The following TACR3 variants were observed in gnomAD, a reference collection of about 807,000 sequenced individuals.
TACR3 encodes neuromedin-K receptor.
A neutral mutation model predicts 35.0 loss-of-function variants in TACR3; 34 were observed. That is an observed-to-expected ratio of 0.97 (90% CI 0.74 to 1.30). TACR3 has a LOEUF of 1.30. TACR3 is among the 50% of genes most tolerant of loss of function. The pLI is 0.00. For synonymous variants in TACR3, 233 were observed against 221.1 expected, an observed-to-expected ratio of 1.05 and a Z score of -0.48; for missense variants, 558 against 591.7, an observed-to-expected ratio of 0.94 and a Z score of 0.59.
At chr4:103,655,320 A>G (rs1283290821) in intron 3 of TACR3, among the ~76,000 whole-genome samples, 1 of 152,154 alleles carries the variant, frequency 6.6e-6, no homozygotes, top group Non-Finnish European at 1.5e-5. Context: ...GGAAATGTCC[A>G]TGTGTTGCTA....
At chr4:103,613,957 A>G (rs1202235110) in intron 3 of TACR3, among the ~76,000 whole-genome samples, 2 of 152,206 alleles carry the variant, frequency 1.3e-5, no homozygotes, top group African/African-American at 4.8e-5. Context: ...ATCTCCTCTT[A>G]TAGGGATACT....
chr4:103,650,737 TC>T (rs1725588460), intron 3 of TACR3, among the ~76,000 whole-genome samples: 4 of 81,050 alleles, frequency 4.9e-5, no homozygotes, highest in Admixed American at 2.1e-4. Flanking sequence ...ATATATTATA[TC>T]ATATATAATA....
At chr4:103,679,934 G>A (rs914249899) in intron 1 of TACR3, among the ~76,000 whole-genome samples, 4 of 151,866 alleles carry the variant, frequency 2.6e-5, no homozygotes, top group Admixed American at 2.6e-4. Context: ...TTTAAATATG[G>A]AGTAGTTTGG....
Position 103,650,026 on chromosome 4 carries a change from T to G in TACR3, c.888+6168A>C, listed in dbSNP as rs1379818250. 2.6e-5 allele frequency among the ~76,000 whole-genome samples: 4 copies of G among 152,076 alleles called. No individual in the cohort carries two copies. The East Asian group carries it at 7.7e-4, about 29-fold the overall frequency. On this transcript the variant is annotated intron_variant, in intron 3 of 4. Transcript: ENST00000304883. The stretch of plus-strand genomic sequence containing the variant: ...ATTCAAAAGGACTTGGGTATTGTGA[T>G]CTAGGCCACATCTGCATTAGGGGGT...
chr4:103,623,898 T>A (rs1724836714), intron 3 of TACR3, among the ~76,000 whole-genome samples: 1 of 152,146 alleles, frequency 6.6e-6, no homozygotes, highest in Admixed American at 6.5e-5. Context: ...TTCTGAATAA[T>A]GTAAATAAAA....
At chr4:103,718,762 C>T (rs1307029174) in intron 1 of TACR3, among the ~76,000 whole-genome samples, 3 of 152,190 alleles carry the variant, frequency 2.0e-5, no homozygotes, top group East Asian at 3.8e-4. Context: ...GTGCACTTTA[C>T]AGATGACATA....
At chr4:103,706,501 A>T (rs2110227441) in intron 1 of TACR3, among the ~76,000 whole-genome samples, 1 of 152,278 alleles carries the variant, frequency 6.6e-6, no homozygotes, top group East Asian at 1.9e-4. Context: ...TGTTTTAATA[A>T]AGGAAATATA....
intron 3 of TACR3, among the ~76,000 whole-genome samples, chr4:103,602,144 C>T (rs1057119736): frequency 2.0e-5 from 3 of 152,078 alleles, no homozygotes; most frequent in Non-Finnish European, 4.4e-5. Flanking sequence ...TTTCATCTTC[C>T]ATCACTGATA....
intron 1 of TACR3, among the ~76,000 whole-genome samples, chr4:103,710,172 A>T (rs1722909532): frequency 6.6e-6 from 1 of 152,222 alleles, no homozygotes; most frequent in South Asian, 2.1e-4. Flanking sequence ...AGACATCTAC[A>T]GAACTCTCCA....
chr4:103,640,707 T>G (rs1237515590), intron 3 of TACR3, among the ~76,000 whole-genome samples: 1 of 151,928 alleles, frequency 6.6e-6, no homozygotes, highest in Non-Finnish European at 1.5e-5. Context: ...CCAACACAAA[T>G]TCATAAATTT....
chr4:103,649,603 GT>G (rs1725537609), intron 3 of TACR3, among the ~76,000 whole-genome samples: 1 of 151,810 alleles, frequency 6.6e-6, no homozygotes, highest in Admixed American at 6.6e-5. Flanking sequence ...TCTTTCTTCT[GT>G]TTGATCAATT....
At chr4:103,622,995 G>A (rs759901644) in intron 3 of TACR3, among the ~76,000 whole-genome samples, 3 of 152,220 alleles carry the variant, frequency 2.0e-5, no homozygotes, top group South Asian at 2.1e-4. Context: ...AAAATGCCAC[G>A]AGGTCATTTC....
intron 1 of TACR3, among the ~76,000 whole-genome samples, chr4:103,666,798 TTTGA>T (rs1226766570): frequency 2.0e-5 from 3 of 152,166 alleles, no homozygotes; most frequent in African/African-American, 7.2e-5. Context: ...TCAGAACATA[TTTGA>T]TTATTTCACC....
chr4:103,656,806 A>T (rs1335793985), intron 2 of TACR3, among the ~76,000 whole-genome samples: 1 of 152,098 alleles, frequency 6.6e-6, no homozygotes, highest in African/African-American at 2.4e-5. Context: ...ACTGTTTTTC[A>T]TTCAAATGGT....
At chr4:103,708,169 G>A (rs946460676) in intron 1 of TACR3, among the ~76,000 whole-genome samples, 1 of 152,176 alleles carries the variant, frequency 6.6e-6, no homozygotes, top group South Asian at 2.1e-4. Flanking sequence ...CTCCCAGCAG[G>A]GAGTTTGAGA....
At chr4:103,658,157 G>A (rs1310252640) in intron 2 of TACR3, 58 bp downstream of exon 2, 4 of 1,527,524 alleles carry the variant, frequency 2.6e-6, no homozygotes, top group Middle Eastern at 1.7e-4. Flanking sequence ...CTCCTAATCT[G>A]TAGTTTCCTA....
At chr4:103,697,064 C>G (rs1363097321) in intron 1 of TACR3, among the ~76,000 whole-genome samples, 1 of 152,138 alleles carries the variant, frequency 6.6e-6, no homozygotes, top group Non-Finnish European at 1.5e-5. Context: ...CAGGTGTGAG[C>G]CACTGTTCCA....
At position 103,719,312 on chromosome 4, in the gene TACR3, A is replaced by G. The variant is rs761830661; in HGVS notation, c.364T>C (p.Tyr122His). 7.4e-6 allele frequency: 12 copies of G among 1,614,248 alleles called. No individual in the cohort carries two copies. The highest frequency in any genetic ancestry group is 1.0e-5 in the Non-Finnish European group (12 of 1,180,050). ...AHKRMRTVTN[Y>H]FLVNLAFSDA... Reference sequence around the variant, plus strand: ...GAGAAAGCCAGGTTCACAAGGAAGTAGTTGGTGACAGTCCTCATGCGCTTG... The same window carrying G: ...GAGAAAGCCAGGTTCACAAGGAAGTGGTTGGTGACAGTCCTCATGCGCTTG... Residue 122 changes from tyrosine to histidine, a missense_variant, in exon 1 of 5, where the codon TAC becomes CAC. Physicochemically the swap from Tyr to His is moderately conservative, Grantham distance 83 (BLOSUM62 2). Coordinates refer to ENST00000304883, the MANE Select transcript of TACR3 (RefSeq NM_001059.3).
At chr4:103,594,481 A>G (rs1306526674) in intron 3 of TACR3, among the ~76,000 whole-genome samples, 2 of 152,138 alleles carry the variant, frequency 1.3e-5, no homozygotes, top group Admixed American at 1.3e-4. Flanking sequence ...CCGGCCTAAT[A>G]TAATTATTTT....
Sources: allele counts gnomAD v4.1 joint callset (sites outside exome capture counted in the v4.1 genomes callset), GRCh38; gene constraint gnomAD v4.1.1; transcripts MANE v1.5; gene names NCBI Gene and HGNC (gene_info 2026-07-23, HGNC 2026-07-21).